The following PTPRG variants were observed in gnomAD, a reference collection of about 807,000 sequenced individuals.
PTPRG encodes the protein protein tyrosine phosphatase receptor type G, also known as receptor-type tyrosine-protein phosphatase gamma.
PTPRG carries 102 observed loss-of-function variants against 165.3 expected under a neutral mutation model. The observed-to-expected ratio is 0.62, with a 90% CI of 0.53 to 0.73. The LOEUF (loss-of-function observed/expected upper bound fraction) is 0.73, where lower values mean the gene tolerates loss of function less well. Ranked by LOEUF, PTPRG falls within the 30% of genes least tolerant of loss-of-function variation. PTPRG has a pLI of 0.00. For synonymous variants in PTPRG, 675 were observed against 669.5 expected (o/e 1.01, Z -0.13); for missense variants, 1,866 against 1,861.4 (o/e 1.00, Z -0.05).
chr3:61,899,911 C>G (rs1421108451), intron 2 of PTPRG, among the ~76,000 whole-genome samples: 1 of 152,184 alleles, frequency 6.6e-6, no homozygotes, highest in Non-Finnish European at 1.5e-5. Flanking sequence ...TTTAACTCAG[C>G]CTTCTGAAAG....
At chr3:62,055,766 A>C (rs1700612740) in intron 4 of PTPRG, among the ~76,000 whole-genome samples, 2 of 152,068 alleles carry the variant, frequency 1.3e-5, no homozygotes, top group Non-Finnish European at 2.9e-5. Flanking sequence ...ACTTGCCTTC[A>C]TCTTTGTGTG....
chr3:61,816,937 A>G (rs952320609), intron 2 of PTPRG, among the ~76,000 whole-genome samples: 1 of 145,048 alleles, frequency 6.9e-6, no homozygotes, highest in Non-Finnish European at 1.5e-5. Flanking sequence ...TAATGCTATG[A>G]AGCTTTTTGG....
intron 1 of PTPRG, among the ~76,000 whole-genome samples, chr3:61,626,405 C>T (rs1701611260): frequency 6.6e-6 from 1 of 152,124 alleles, no homozygotes; most frequent in Admixed American, 6.6e-5. Flanking sequence ...GCCTGAATTC[C>T]ATTTTTTCTT....
chr3:61,928,979 G>A (rs1486579003), intron 2 of PTPRG, among the ~76,000 whole-genome samples: 2 of 152,188 alleles, frequency 1.3e-5, no homozygotes, highest in African/African-American at 4.8e-5. Flanking sequence ...GCTATTGGCA[G>A]TCTAGCGAGT....
chr3:61,990,596 C>T (rs572882207), intron 3 of PTPRG, among the ~76,000 whole-genome samples: 402 of 152,316 alleles, frequency 2.6e-3, no homozygotes, highest in Admixed American at 5.6e-3. Flanking sequence ...CTCCACTGTA[C>T]GATCTGAAAA....
chr3:62,114,319 A>AC (rs1702782100), intron 5 of PTPRG, among the ~76,000 whole-genome samples: 2 of 152,116 alleles, frequency 1.3e-5, no homozygotes, highest in South Asian at 4.1e-4. Flanking sequence ...AAACAAACAA[A>AC]AAAAAAACGT....
At chr3:62,177,836 A>G (rs977525385) in intron 8 of PTPRG, among the ~76,000 whole-genome samples, 1 of 152,190 alleles carries the variant, frequency 6.6e-6, no homozygotes, top group Non-Finnish European at 1.5e-5. Context: ...TCAGGGCACC[A>G]GTACCTTTCC....
At chr3:61,603,645 G>A (rs1357111629) in intron 1 of PTPRG, among the ~76,000 whole-genome samples, 3 of 152,222 alleles carry the variant, frequency 2.0e-5, no homozygotes, top group Non-Finnish European at 4.4e-5. Context: ...GTGGAGTTCA[G>A]ATGGTCCAAA....
At chr3:62,112,465 G>T (rs1300943271) in intron 5 of PTPRG, among the ~76,000 whole-genome samples, 1 of 152,160 alleles carries the variant, frequency 6.6e-6, no homozygotes, top group Admixed American at 6.5e-5. Flanking sequence ...AGTCTTAATT[G>T]CCAGAGCTGT....
chr3:61,924,543 C>A (rs189638834), intron 2 of PTPRG, among the ~76,000 whole-genome samples: 1 of 152,308 alleles, frequency 6.6e-6, no homozygotes, highest in South Asian at 2.1e-4. Flanking sequence ...TCAGCATCTC[C>A]CACGTGCTGT....
chr3:61,774,901 A>G (rs1057055863), intron 2 of PTPRG, among the ~76,000 whole-genome samples: 7 of 152,168 alleles, frequency 4.6e-5, no homozygotes, highest in Non-Finnish European at 7.3e-5. Flanking sequence ...ACCTTTTCCC[A>G]AAGTGGAGAA....
chr3:61,754,304 A>G (rs2106938441), intron 2 of PTPRG, among the ~76,000 whole-genome samples: 1 of 152,312 alleles, frequency 6.6e-6, no homozygotes, highest in East Asian at 1.9e-4. Flanking sequence ...GATTAAAGGT[A>G]ATATATATTG....
chr3:61,935,207 T>C (rs1441976836), intron 2 of PTPRG, among the ~76,000 whole-genome samples: 1 of 152,232 alleles, frequency 6.6e-6, no homozygotes, highest in East Asian at 1.9e-4. Flanking sequence ...CCCCCATCCT[T>C]GTCTCTCACC....
intron 1 of PTPRG, among the ~76,000 whole-genome samples, chr3:61,581,095 C>T (rs1313064022): frequency 6.6e-6 from 1 of 152,144 alleles, no homozygotes. Context: ...CCATCTATAG[C>T]CAAGGAAGCA....
At chr3:62,215,407 G>A (rs1700472127) in intron 12 of PTPRG, among the ~76,000 whole-genome samples, 1 of 152,198 alleles carries the variant, frequency 6.6e-6, no homozygotes, top group African/African-American at 2.4e-5. Context: ...CAAGGTCAGA[G>A]TGAAACTTGT....
intron 1 of PTPRG, among the ~76,000 whole-genome samples, chr3:61,650,781 ACT>A (rs1165744965): frequency 6.6e-6 from 1 of 152,106 alleles, no homozygotes; most frequent in Non-Finnish European, 1.5e-5. Context: ...TAATTGTTTA[ACT>A]CTCGATTTGC....
intron 2 of PTPRG, among the ~76,000 whole-genome samples, chr3:61,785,583 G>A (rs546160688): frequency 7.9e-5 from 12 of 152,212 alleles, no homozygotes; most frequent in Admixed American, 3.3e-4. Flanking sequence ...TTCTGCTGCC[G>A]TAGACCTGGC....
chr3:61,767,247 A>G (rs1284841884), intron 2 of PTPRG, among the ~76,000 whole-genome samples: 5 of 148,724 alleles, frequency 3.4e-5, no homozygotes, highest in African/African-American at 1.2e-4. Context: ...TCTCAAAAAA[A>G]AAAAAAAAAA....
chr3:62,071,862 C>A (rs1449795715), intron 4 of PTPRG, among the ~76,000 whole-genome samples: 1 of 152,196 alleles, frequency 6.6e-6, no homozygotes, highest in Admixed American at 6.5e-5. Flanking sequence ...ACCTATCTCA[C>A]TGAGTGCCAA....
Sources: allele counts gnomAD v4.1 joint callset (sites outside exome capture counted in the v4.1 genomes callset), GRCh38; gene constraint gnomAD v4.1.1; transcripts MANE v1.5; gene names NCBI Gene and HGNC (gene_info 2026-07-23, HGNC 2026-07-21).